Variants in PRKG1 observed in about 807,000 individuals in gnomAD.
PRKG1 encodes the protein protein kinase cGMP-dependent 1, also known as cGMP-dependent protein kinase 1.
PRKG1 carries 35 observed loss-of-function variants against 88.1 expected under a neutral mutation model. The observed-to-expected ratio is 0.40, with a 90% CI of 0.30 to 0.53. PRKG1 has a LOEUF of 0.53. Among genes scored for constraint, PRKG1 ranks in the 20% least tolerant of loss-of-function variants. The probability of loss-of-function intolerance (pLI) is 0.59; values close to 1 mark genes in which losing one functional copy is unlikely to be tolerated. For synonymous variants in PRKG1, 303 were observed against 292.5 expected (o/e 1.04, Z -0.37); for missense variants, 540 against 839.8 (o/e 0.64, Z 4.41).
chr10:51,058,016 G>A (rs1034527684), intron 1 of PRKG1, among the ~76,000 whole-genome samples: 3 of 152,082 alleles, frequency 2.0e-5, no homozygotes, highest in African/African-American at 2.4e-5. Context: ...CACAGACTAA[G>A]GATTGCTGTG....
chr10:51,848,189 G>A (rs1385282663), intron 4 of PRKG1, among the ~76,000 whole-genome samples: 1 of 152,112 alleles, frequency 6.6e-6, no homozygotes, highest in African/African-American at 2.4e-5. Context: ...ATTACAACAG[G>A]TATTGCAAGT....
At chr10:51,604,133 A>G (rs1291149700) in intron 3 of PRKG1, among the ~76,000 whole-genome samples, 4 of 146,354 alleles carry the variant, frequency 2.7e-5, no homozygotes, top group East Asian at 4.0e-4. Context: ...CTTCCTTACC[A>G]CACCAGTCTC....
intron 2 of PRKG1, among the ~76,000 whole-genome samples, chr10:51,361,790 T>C (rs539799359): frequency 2.6e-5 from 4 of 152,016 alleles, no homozygotes; most frequent in South Asian, 4.1e-4. Context: ...ATTACCTATG[T>C]TGGATTTTTA....
intron 8 of PRKG1, among the ~76,000 whole-genome samples, chr10:52,150,957 A>G (rs1282743192): frequency 6.6e-6 from 1 of 152,168 alleles, no homozygotes; most frequent in Non-Finnish European, 1.5e-5. Context: ...TATATCAGCT[A>G]TAGATTTTTA....
intron 6 of PRKG1, among the ~76,000 whole-genome samples, chr10:52,055,574 A>G (rs1243825408): frequency 6.6e-6 from 1 of 152,206 alleles, no homozygotes; most frequent in Non-Finnish European, 1.5e-5. Context: ...TTACTAAAAT[A>G]CCTTAAATTT....
rs75743681 is a variant in PRKG1 at position 51,587,899 on chromosome 10, T to C, written c.592+120063T>C. Among the ~76,000 whole-genome samples the C allele has an allele frequency of 2.3e-3, 355 of 152,346 alleles. 1 individual carries two copies. Among genetic ancestry groups the C allele is most frequent in the African/African-American group, 7.2e-3 (298 of 41,590 alleles). ...ACATACTAAGAGATTACTCATAAAC[T>C]GTTCATACTTTTCTATACCATACAA... On this transcript the variant is annotated intron_variant, in intron 3 of 17. Transcript: ENST00000373980.
intron 2 of PRKG1, among the ~76,000 whole-genome samples, chr10:51,277,580 C>A (rs574918890): frequency 1.3e-5 from 2 of 152,338 alleles, no homozygotes; most frequent in East Asian, 3.9e-4. Context: ...AATATTGATT[C>A]TTCCTATCCA....
intron 7 of PRKG1, among the ~76,000 whole-genome samples, chr10:52,093,124 T>G (rs1013891059): frequency 1.3e-5 from 2 of 152,122 alleles, no homozygotes; most frequent in Admixed American, 6.5e-5. Context: ...ACTGTTAGGG[T>G]TTCCTGGCAC....
intron 3 of PRKG1, among the ~76,000 whole-genome samples, chr10:51,631,900 G>A (rs1317344010): frequency 6.6e-6 from 1 of 152,100 alleles, no homozygotes; most frequent in Non-Finnish European, 1.5e-5. Flanking sequence ...CCATGGCCCA[G>A]GAATAGAGGA....
chr10:51,150,354 C>T (rs1206464710), intron 1 of PRKG1, among the ~76,000 whole-genome samples: 1 of 151,960 alleles, frequency 6.6e-6, no homozygotes, highest in East Asian at 1.9e-4. Flanking sequence ...TAGATGGAGG[C>T]CCTGATTAAT....
intron 3 of PRKG1, among the ~76,000 whole-genome samples, chr10:51,505,521 G>T (rs1226993625): frequency 6.6e-6 from 1 of 152,072 alleles, no homozygotes; most frequent in African/African-American, 2.4e-5. Flanking sequence ...TTTTTCTGTT[G>T]ATTGGAACAG....
chr10:51,531,789 C>CA (rs1842023531), intron 3 of PRKG1, among the ~76,000 whole-genome samples: 13 of 151,618 alleles, frequency 8.6e-5, no homozygotes, highest in African/African-American at 3.1e-4. Flanking sequence ...GGATTACAGG[C>CA]TCCCGACACT....
chr10:51,700,976 G>A (rs569471762), intron 3 of PRKG1, among the ~76,000 whole-genome samples: 30 of 152,168 alleles, frequency 2.0e-4, no homozygotes, highest in Non-Finnish European at 3.5e-4. Context: ...ACTGGTTGAG[G>A]TGTGCCATAC....
At chr10:51,629,025 A>G (rs985652743) in intron 3 of PRKG1, among the ~76,000 whole-genome samples, 1 of 152,196 alleles carries the variant, frequency 6.6e-6, no homozygotes, top group Non-Finnish European at 1.5e-5. Flanking sequence ...AGTGAGCCAC[A>G]GAATCAATTT....
At chr10:51,261,863 C>T (rs12247775) in intron 2 of PRKG1, among the ~76,000 whole-genome samples, 16,414 of 147,728 alleles carry the variant, frequency 0.11, 1,275 homozygotes, top group African/African-American at 0.22. Context: ...TTAAAGCCAG[C>T]GTGGTTAGGA....
rs1047284968 is a variant in PRKG1 at position 51,467,820 on chromosome 10, G to C, written c.576G>C (p.Arg192=). 1 of 1,611,762 alleles carries C rather than the reference G, an allele frequency of 6.2e-7. No homozygotes were observed. The highest frequency in any genetic ancestry group is 8.5e-7 in the Non-Finnish European group (1 of 1,177,980). The change falls in exon 3 of 18, where the codon CGG becomes CGC. Residue 192 remains arginine (R), a synonymous_variant. Coordinates refer to ENST00000373980, the MANE Select transcript of PRKG1 (RefSeq NM_006258.4). The part of the protein sequence containing the change: ...GELAILYNCT[R]TATVKTLVNV... ...TGGCTATTCTTTACAACTGTACCCG[G>C]ACAGCGACCGTCAAGAGTAAGACTA...
At chr10:51,981,493 G>A (rs1222836698) in intron 5 of PRKG1, among the ~76,000 whole-genome samples, 15 of 152,082 alleles carry the variant, frequency 9.9e-5, no homozygotes, top group Non-Finnish European at 1.9e-4. Flanking sequence ...GACTGAAGCA[G>A]TATAATTACT....
At position 52,207,724 on chromosome 10, in the gene PRKG1, A is replaced by G. The variant is rs116869949; in HGVS notation, c.1077-43846A>G. On this transcript the variant is annotated intron_variant, in intron 9 of 17. Coordinates refer to ENST00000373980, the MANE Select transcript of PRKG1 (RefSeq NM_006258.4). ...CAGGGGTCTATGGCAAGAGCAGACC[A>G]CTCCTTACCTGTTCAACTCACCTCT... 3.9e-3 allele frequency among the ~76,000 whole-genome samples: 591 copies of G among 151,572 alleles called. 2 individuals carry two copies. The highest frequency in any genetic ancestry group is 6.8e-3 in the Non-Finnish European group (464 of 67,844).
At chr10:51,832,945 TG>T (rs748360284) in intron 4 of PRKG1, among the ~76,000 whole-genome samples, 13 of 152,178 alleles carry the variant, frequency 8.5e-5, no homozygotes, top group African/African-American at 1.2e-4. Context: ...TCCCTTCTCC[TG>T]TGATATGAAT....
Sources: gnomAD v4.1 joint callset for allele counts (sites outside exome capture counted in the v4.1 genomes callset) on GRCh38, gnomAD v4.1.1 for gene constraint, MANE v1.5 for transcripts, NCBI Gene and HGNC (gene_info 2026-07-23, HGNC 2026-07-21) for gene names.